SAE1: variants seen among roughly 807,000 people sequenced by gnomAD.
SAE1 encodes the protein SUMO1 activating enzyme subunit 1.
A neutral mutation model predicts 40.6 loss-of-function variants in SAE1; 11 were observed. That is an observed-to-expected ratio of 0.27 (90% CI 0.17 to 0.45). The LOEUF is 0.45. SAE1 is among the 20% of genes least tolerant of loss of function. SAE1 has a pLI of 1.00. For missense variants in SAE1, 373 were observed against 427.3 expected (o/e 0.87, Z 1.12); for synonymous variants, 155 against 154.3 (o/e 1.00, Z -0.03).
chr19:47,208,504 A>G (rs1215743099), intron 8 of SAE1, among the ~76,000 whole-genome samples: 1 of 151,432 alleles, frequency 6.6e-6, no homozygotes, highest in African/African-American at 2.4e-5. Context: ...GCGGTGGCGC[A>G]ATCTCAGTTT....
At chr19:47,203,458 G>A (rs1236766999) in intron 7 of SAE1, among the ~76,000 whole-genome samples, 1 of 152,180 alleles carries the variant, frequency 6.6e-6, no homozygotes, top group Non-Finnish European at 1.5e-5. Context: ...ATTTCTGCTT[G>A]CCAAAGTTCA....
chr19:47,161,930 G>A (rs1426731063), intron 5 of SAE1, among the ~76,000 whole-genome samples: 1 of 152,160 alleles, frequency 6.6e-6, no homozygotes, highest in Non-Finnish European at 1.5e-5. Flanking sequence ...TTTATATGTT[G>A]TTCTAGGGCT....
At chr19:47,187,675 C>A (rs1418340134) in intron 6 of SAE1, among the ~76,000 whole-genome samples, 1 of 152,158 alleles carries the variant, frequency 6.6e-6, no homozygotes, top group African/African-American at 2.4e-5. Context: ...GTGCCTGCCA[C>A]AACACCCGGC....
At chr19:47,160,689 C>A (rs1379637499) in intron 5 of SAE1, among the ~76,000 whole-genome samples, 1 of 152,044 alleles carries the variant, frequency 6.6e-6, no homozygotes. Context: ...GCCACCGTGC[C>A]CAGCCTAATT....
At chr19:47,156,156 C>T (rs2058323387) in intron 5 of SAE1, among the ~76,000 whole-genome samples, 1 of 151,580 alleles carries the variant, frequency 6.6e-6, no homozygotes. Context: ...CCTGTAGGCC[C>T]AGCTACTCAT....
chr19:47,160,847 T>C (rs1306816473), intron 5 of SAE1, among the ~76,000 whole-genome samples: 2 of 152,128 alleles, frequency 1.3e-5, no homozygotes, highest in Non-Finnish European at 2.9e-5. Flanking sequence ...TAATTATTAA[T>C]ATCAGAACTA....
In SAE1 at chr19:47,202,620, A is replaced by G. The variant is rs1166706068; in HGVS notation, c.879-1051A>G. Among the ~76,000 whole-genome samples the G allele has an allele frequency of 5.3e-5, 8 of 150,722 alleles. No individual in the cohort carries two copies. In the South Asian group the frequency reaches 1.3e-3, roughly 24 times the overall value. On this transcript the variant is annotated intron_variant, in intron 7 of 8. Coordinates refer to ENST00000270225, the MANE Select transcript of SAE1 (RefSeq NM_005500.3). ...CCGTTTAGATTGTGCACTTTTAAAAATGTCTAGAAGGGGCTGGGCGCAGTG... is the reference window on the plus strand; with the variant it reads ...CCGTTTAGATTGTGCACTTTTAAAAGTGTCTAGAAGGGGCTGGGCGCAGTG...
chr19:47,206,897 T>C (rs2058689453), intron 8 of SAE1, among the ~76,000 whole-genome samples: 3 of 152,218 alleles, frequency 2.0e-5, no homozygotes, highest in Admixed American at 1.3e-4. Flanking sequence ...TATTTGCCTA[T>C]TTGCCCAGAG....
intron 1 of SAE1, among the ~76,000 whole-genome samples, chr19:47,137,308 A>G (rs2058186641): frequency 6.6e-6 from 1 of 152,092 alleles, no homozygotes. Flanking sequence ...GAATTGTTTG[A>G]ATCCAGGAGG....
chr19:47,146,794 A>G (rs575444056), intron 2 of SAE1, among the ~76,000 whole-genome samples: 8 of 152,130 alleles, frequency 5.3e-5, no homozygotes, highest in Non-Finnish European at 8.8e-5. Flanking sequence ...AATAGCAAGG[A>G]TATGAAGATG....
intron 4 of SAE1, 24 bp from the exon 5 acceptor site, chr19:47,155,090 T>A (rs777917610): frequency 2.2e-5 from 31 of 1,404,702 alleles, no homozygotes; most frequent in Admixed American, 8.6e-5. Context: ...TAAAATTACA[T>A]TCTCTCCCCT....
rs770492448 is a variant in SAE1 at position 47,131,043 on chromosome 19, G to T, written c.98+15G>T. 4.6e-6 allele frequency: 7 copies of T among 1,522,854 alleles called. No individual in the cohort carries two copies. Among genetic ancestry groups the T allele is most frequent in the South Asian group, 2.5e-5 (2 of 81,530 alleles). The allele number at this position is 1,522,854 out of a possible 1,614,324, so 94.3% of individuals were successfully genotyped here. A position where few individuals can be genotyped will look rare whatever the true frequency, so the allele number is the denominator to read the frequency against. On this transcript the variant is annotated intron_variant, in intron 1 of 8. Transcript: ENST00000270225. ...GCCCAGAAACGGTCAGGGCCGGCGCGGCTTGAGGCCGCTAGGGTCTGGAGG... is the reference window on the plus strand; with the variant it reads ...GCCCAGAAACGGTCAGGGCCGGCGCTGCTTGAGGCCGCTAGGGTCTGGAGG...
At chr19:47,178,716 A>G (rs1020066567) in intron 6 of SAE1, among the ~76,000 whole-genome samples, 10 of 152,184 alleles carry the variant, frequency 6.6e-5, no homozygotes, top group African/African-American at 1.9e-4. Flanking sequence ...CAAGTGATCC[A>G]TGCACCTCGG....
chr19:47,195,285 C>T (rs773823281), intron 6 of SAE1, among the ~76,000 whole-genome samples: 1 of 152,134 alleles, frequency 6.6e-6, no homozygotes, highest in African/African-American at 2.4e-5. Flanking sequence ...GAACTCCTGA[C>T]CTCAGATGAT....
At chr19:47,167,495 C>T (rs2058401506) in intron 5 of SAE1, among the ~76,000 whole-genome samples, 1 of 152,076 alleles carries the variant, frequency 6.6e-6, no homozygotes, top group African/African-American at 2.4e-5. Context: ...CCGCCTTGGC[C>T]TCCCAAAGTG....
At chr19:47,147,785 GTC>G (rs2058263590) in intron 2 of SAE1, among the ~76,000 whole-genome samples, 1 of 145,722 alleles carries the variant, frequency 6.9e-6, no homozygotes, top group African/African-American at 2.5e-5. Context: ...TTGAGACAGA[GTC>G]TCGCTCTGTT....
intron 6 of SAE1, among the ~76,000 whole-genome samples, chr19:47,173,277 G>A (rs553309043): frequency 6.6e-5 from 10 of 152,250 alleles, no homozygotes; most frequent in South Asian, 2.1e-4. Flanking sequence ...GATTAGAGGC[G>A]TGAGCCACCG....
chr19:47,130,852 G>A lies in SAE1; in HGVS notation c.-79G>A. ...GCAGAAGCACTCCGGGCGTGCTGCC[G>A]GCGGCGGTAGGTGGCGCGCGGGTCC... On this transcript the variant is annotated 5_prime_UTR_variant, in exon 1 of 9. Coordinates refer to ENST00000270225, the MANE Select transcript of SAE1 (RefSeq NM_005500.3). 1 of 1,542,146 alleles carries A rather than the reference G, an allele frequency of 6.5e-7. No homozygotes were observed. Among genetic ancestry groups the A allele is most frequent in the South Asian group, 1.2e-5 (1 of 83,234 alleles).
At chr19:47,182,496 T>TGCGCGCACGCACGCGC (rs1555794399) in intron 6 of SAE1, among the ~76,000 whole-genome samples, 2 of 145,938 alleles carry the variant, frequency 1.4e-5, no homozygotes, top group Non-Finnish European at 3.0e-5. Flanking sequence ...TGTGTGTGTG[T>TGCGCGCACGCACGCGC]GCGCGCACGC....
Sources: gnomAD v4.1 joint callset for allele counts (sites outside exome capture counted in the v4.1 genomes callset) on GRCh38, gnomAD v4.1.1 for gene constraint, MANE v1.5 for transcripts, NCBI Gene and HGNC (gene_info 2026-07-23, HGNC 2026-07-21) for gene names.